Variants in WDFY4 observed in about 807,000 individuals in gnomAD.
WDFY4 encodes WDFY family member 4.
In WDFY4, 169 loss-of-function variants were observed where a neutral mutation model predicts 351.9. That is an observed-to-expected ratio of 0.48 (90% CI 0.42 to 0.55). The LOEUF is 0.55. WDFY4 is among the 20% of genes least tolerant of loss of function. The probability of loss-of-function intolerance (pLI) is 0.00; values close to 1 mark genes in which losing one functional copy is unlikely to be tolerated. For missense variants in WDFY4, 3,803 were observed against 3,935.6 expected, an observed-to-expected ratio of 0.97 and a Z score of 0.90; for synonymous variants, 1,622 against 1,574.6, an observed-to-expected ratio of 1.03 and a Z score of -0.71.
intron 23 of WDFY4, among the ~76,000 whole-genome samples, chr10:48,792,802 C>T (rs1358921127): frequency 6.6e-6 from 1 of 152,168 alleles, no homozygotes; most frequent in African/African-American, 2.4e-5. Context: ...GCTATCTTCC[C>T]AGAAACTCTG....
At chr10:48,740,843 C>T (rs1245014476) in intron 11 of WDFY4, among the ~76,000 whole-genome samples, 1 of 152,146 alleles carries the variant, frequency 6.6e-6, no homozygotes, top group East Asian at 1.9e-4. Context: ...TGCAGTGTCC[C>T]TCTGAGAAGT....
chr10:48,884,781 G>A lies in WDFY4; in HGVS notation c.7168-5798G>A, dbSNP rs76287843. 4.0e-4 allele frequency among the ~76,000 whole-genome samples: 61 copies of A among 152,158 alleles called. 1 individual carries two copies. The highest frequency in any genetic ancestry group is 1.2e-4 in the Non-Finnish European group (8 of 68,018). ...ACTTGGAGTCACCTCCTCAGGAACC[G>A]TTTCTCTGGTGTCACCGCTGCCGCC... On this transcript the variant is annotated intron_variant, in intron 43 of 61. Transcript: ENST00000325239.
intron 13 of WDFY4, among the ~76,000 whole-genome samples, chr10:48,773,597 G>A (rs1035768440): frequency 3.3e-5 from 5 of 152,248 alleles, no homozygotes; most frequent in Admixed American, 6.5e-5. Flanking sequence ...GCAGAGGGAA[G>A]TAGCTGGAAA....
intron 23 of WDFY4, among the ~76,000 whole-genome samples, chr10:48,795,491 G>GTATA (rs60705301): frequency 0.036 from 3,644 of 100,824 alleles, 87 homozygotes; most frequent in Middle Eastern, 0.052. Flanking sequence ...GTGTGTGTCT[G>GTATA]TATATATATA....
chr10:48,797,756 C>A (rs1264039591), intron 24 of WDFY4, among the ~76,000 whole-genome samples: 1 of 152,096 alleles, frequency 6.6e-6, no homozygotes, highest in Admixed American at 6.5e-5. Flanking sequence ...ATTTCTCTCA[C>A]TTTTAAAAAC....
At chr10:48,741,409 C>T (rs571534126) in intron 11 of WDFY4, among the ~76,000 whole-genome samples, 7 of 132,908 alleles carry the variant, frequency 5.3e-5, no homozygotes, top group South Asian at 4.9e-4. Flanking sequence ...GCCAAGATCT[C>T]GCCACTACAC....
intron 9 of WDFY4, 143 bp downstream of exon 9, chr10:48,731,705 TC>T: frequency 9.3e-7 from 1 of 1,074,858 alleles, no homozygotes; most frequent in Non-Finnish European, 1.3e-6. Context: ...ACACACAGTT[TC>T]ACAAAAGACA....
intron 10 of WDFY4, 83 bp downstream of exon 10, chr10:48,734,118 T>C: frequency 7.9e-7 from 1 of 1,269,158 alleles, no homozygotes; most frequent in Non-Finnish European, 1.1e-6. Flanking sequence ...TGTTCACAGG[T>C]TATACTCAAG....
chr10:48,686,331 A>AG (rs2063047797), intron 1 of WDFY4, among the ~76,000 whole-genome samples: 1 of 151,476 alleles, frequency 6.6e-6, no homozygotes, highest in Non-Finnish European at 1.5e-5. Context: ...AAAAAAAAAA[A>AG]AAGAAGGAAA....
At chr10:48,723,344 G>A in intron 4 of WDFY4, 89 bp from the exon 5 acceptor site, 1 of 1,475,448 alleles carries the variant, frequency 6.8e-7, no homozygotes, top group African/African-American at 1.4e-5. Context: ...TGGCCTCACT[G>A]AAATGGCTGC....
chr10:48,871,022 C>T (rs951440219), intron 40 of WDFY4, among the ~76,000 whole-genome samples: 7 of 152,130 alleles, frequency 4.6e-5, no homozygotes, highest in Non-Finnish European at 8.8e-5. Context: ...CAAGTTCCGC[C>T]TTCCCGGTTC....
chr10:48,957,152 C>T lies in WDFY4; in HGVS notation c.8001C>T (p.Asp2667=), dbSNP rs1841632565. The T allele has an allele frequency of 2.6e-6, 4 of 1,550,630 alleles. No individual in the cohort carries two copies. The highest frequency in any genetic ancestry group is 3.5e-6 in the Non-Finnish European group (4 of 1,146,174). The change falls in exon 52 of 62, where the codon GAC becomes GAT. Residue 2667 remains aspartate, a synonymous_variant. Transcript: ENST00000325239. ...ALQGGSFDVA[D]RMFHSVKSTW... is the part of the protein sequence containing the mutation. Reference sequence around the variant, plus strand: ...AGGGCGGAAGCTTCGACGTGGCAGACAGAATGTTCCACAGTGTGAAGAGCA... The same window carrying T: ...AGGGCGGAAGCTTCGACGTGGCAGATAGAATGTTCCACAGTGTGAAGAGCA...
At chr10:48,950,525 G>A (rs1026003908) in intron 51 of WDFY4, among the ~76,000 whole-genome samples, 1 of 152,162 alleles carries the variant, frequency 6.6e-6, no homozygotes, top group African/African-American at 2.4e-5. Flanking sequence ...CTTGTGAGAG[G>A]CTGCTGTGAT....
intron 20 of WDFY4, among the ~76,000 whole-genome samples, chr10:48,787,892 TCC>T (rs1166962105): frequency 0.031 from 2,205 of 72,060 alleles, 207 homozygotes; most frequent in East Asian, 0.1. Context: ...CTTCTTCTTC[TCC>T]TTCTTCTTCT....
chr10:48,935,447 G>A (rs1447574170), intron 47 of WDFY4, among the ~76,000 whole-genome samples: 1 of 152,236 alleles, frequency 6.6e-6, no homozygotes, highest in African/African-American at 2.4e-5. Context: ...TCGAATCAGA[G>A]CCCCTGTCTA....
In WDFY4 at chr10:48,913,531, C is replaced by T. The variant is rs765969044; in HGVS notation, c.7586+11668C>T. 1.2e-6 allele frequency: 2 copies of T among 1,613,912 alleles called. No individual in the cohort carries two copies. Among genetic ancestry groups the T allele is most frequent in the African/African-American group, 1.3e-5 (1 of 74,854 alleles). ...GCGTTTTGGCATTTTCTCAGGCAAG[C>T]CGCACACAGATCCTTCTCCTCCACA... On this transcript the variant is annotated intron_variant, in intron 47 of 61. Transcript: ENST00000325239.
At chr10:48,760,837 T>C (rs1383063660) in intron 13 of WDFY4, among the ~76,000 whole-genome samples, 1 of 152,232 alleles carries the variant, frequency 6.6e-6, no homozygotes, top group Non-Finnish European at 1.5e-5. Context: ...CCTGGCCCTG[T>C]GCTCTGTGCA....
intron 39 of WDFY4, among the ~76,000 whole-genome samples, chr10:48,844,825 C>A (rs1473247337): frequency 6.6e-6 from 1 of 152,212 alleles, no homozygotes; most frequent in Non-Finnish European, 1.5e-5. Flanking sequence ...ACAGATAAGG[C>A]TCCCACACTC....
chr10:48,943,972 C>A (rs372525955), intron 49 of WDFY4, among the ~76,000 whole-genome samples: 13 of 152,156 alleles, frequency 8.5e-5, no homozygotes, highest in East Asian at 5.8e-4. Flanking sequence ...GTGGAATGAT[C>A]AACACAACTA....
Sources: gnomAD v4.1 joint callset for allele counts (sites outside exome capture counted in the v4.1 genomes callset) on GRCh38, gnomAD v4.1.1 for gene constraint, MANE v1.5 for transcripts, NCBI Gene and HGNC (gene_info 2026-07-23, HGNC 2026-07-21) for gene names.